Variants in NLRP7 observed in about 807,000 individuals in gnomAD.
NLRP7 encodes the protein NLR family pyrin domain containing 7.
NLRP7 carries 72 observed loss-of-function variants against 85.5 expected under a neutral mutation model. That is an observed-to-expected ratio of 0.84 (90% CI 0.70 to 1.02). The LOEUF (loss-of-function observed/expected upper bound fraction) is 1.02, where lower values mean the gene tolerates loss of function less well. Among genes scored for constraint, NLRP7 ranks in the 50% least tolerant of loss-of-function variants. The pLI, the probability that NLRP7 is intolerant of heterozygous loss-of-function variation, is 0.00. For synonymous variants in NLRP7, 550 were observed against 505.2 expected (o/e 1.09, Z -1.19); for missense variants, 1,243 against 1,219.5 (o/e 1.02, Z -0.29).
At chr19:54,959,141 C>CTTT (rs74177888) in intron 1 of NLRP7, among the ~76,000 whole-genome samples, 2 of 134,672 alleles carry the variant, frequency 1.5e-5, no homozygotes, top group South Asian at 2.4e-4. Context: ...TTTTCTTTTT[C>CTTT]TTTTTTTTTT....
At chr19:54,926,253 C>T (rs1459782960) in intron 9 of NLRP7, among the ~76,000 whole-genome samples, 1 of 151,512 alleles carries the variant, frequency 6.6e-6, no homozygotes, top group East Asian at 2.0e-4. Context: ...TACACACAAG[C>T]TTCCAGTCTG....
exon 4 of NLRP7, chr19:54,939,736 C>T (rs2069128165): frequency 6.2e-7 from 1 of 1,613,558 alleles, no homozygotes. Context: ...CCGCGGGGGC[C>T]GAGCCCAGCT....
chr19:54,938,609 C>T (rs2069050327), intron 4 of NLRP7, among the ~76,000 whole-genome samples: 1 of 152,104 alleles, frequency 6.6e-6, no homozygotes, highest in African/African-American at 2.4e-5. Context: ...GCCCATAGTC[C>T]CAGCTACTCG....
intron 6 of NLRP7, among the ~76,000 whole-genome samples, chr19:54,935,435 C>G (rs1336201006): frequency 6.6e-6 from 1 of 152,070 alleles, no homozygotes; most frequent in Non-Finnish European, 1.5e-5. Flanking sequence ...GTGGTTCATG[C>G]CTGTAATCCT....
chr19:54,935,228 GAA>G (rs1556727762), intron 6 of NLRP7, among the ~76,000 whole-genome samples: 33 of 19,616 alleles, frequency 1.7e-3, no homozygotes, highest in Non-Finnish European at 0.011. Context: ...TTGCAGGGGG[GAA>G]AAAAAAATTT....
chr19:54,933,209 G>A (rs184202257), intron 8 of NLRP7, among the ~76,000 whole-genome samples: 24 of 152,064 alleles, frequency 1.6e-4, no homozygotes, highest in African/African-American at 2.2e-4. Context: ...GCAGTGGTGC[G>A]ATCTCGGCTC....
intron 1 of NLRP7, among the ~76,000 whole-genome samples, chr19:54,945,561 G>A (rs1364380995): frequency 6.6e-6 from 1 of 151,346 alleles, no homozygotes; most frequent in Non-Finnish European, 1.5e-5. Context: ...TGAGCCACCA[G>A]GCCTGGCCAA....
At chr19:54,923,674 T>C in exon 10 of NLRP7, 1 of 1,570,810 alleles carries the variant, frequency 6.4e-7, no homozygotes, top group Non-Finnish European at 8.7e-7. Context: ...CTGACCTGCA[T>C]TCATAAGACA....
chr19:54,936,123 C>G lies in NLRP7; in HGVS notation c.2300+138G>C. On this transcript the variant is annotated intron_variant, in intron 6 of 9. Transcript: ENST00000340844. ...GTGGGGGAAAGAGGAGAGGCCGACT[C>G]CCCCACACAGGCCTGTTTGAGGAAT... 3.9e-6 allele frequency: 3 copies of G among 759,680 alleles called. No individual in the cohort carries two copies. The Admixed American group carries it at 6.0e-5, about 15-fold the overall frequency. The allele number at this position is 759,680 out of a possible 1,614,324, so 47.1% of individuals were successfully genotyped here.
At chr19:54,923,920 T>C in intron 9 of NLRP7, 48 bp from the exon 11 acceptor site, 1 of 1,595,942 alleles carries the variant, frequency 6.3e-7, no homozygotes, top group South Asian at 1.1e-5. Flanking sequence ...CATTCTCAAC[T>C]ACCCAGGATG....
chr19:54,951,002 C>G (rs2069650065), upstream of NLRP7, among the ~76,000 whole-genome samples: 1 of 152,186 alleles, frequency 6.6e-6, no homozygotes, highest in African/African-American at 2.4e-5. Flanking sequence ...GTGGTGATGA[C>G]TCTTAAGGAG....
At position 54,944,541 on chromosome 19, in the gene NLRP7, C is replaced by T. The variant is rs147673358; in HGVS notation, c.-39-2791G>A. ...TGAAGGAACTCAGAGACCCGGCCGG[C>T]GCGGGTCTCCTGAGCCCACTTTTCT... On this transcript the variant is annotated intron_variant, in intron 1 of 9. Coordinates refer to ENST00000340844, the Ensembl canonical transcript of NLRP7. Among the ~76,000 whole-genome samples, 1,077 of 151,792 alleles carry T rather than the reference C, an allele frequency of 7.1e-3. 9 individuals carry two copies. The highest frequency in any genetic ancestry group is 0.011 in the Non-Finnish European group (779 of 67,796).
intron 1 of NLRP7, among the ~76,000 whole-genome samples, chr19:54,943,517 C>T (rs1040624726): frequency 7.4e-6 from 1 of 136,006 alleles, no homozygotes; most frequent in Admixed American, 7.8e-5. Flanking sequence ...AGGAGAATGG[C>T]GGGAACCCGG....
At chr19:54,956,341 G>A (rs576572144) in intron 1 of NLRP7, among the ~76,000 whole-genome samples, 3 of 152,226 alleles carry the variant, frequency 2.0e-5, no homozygotes, top group African/African-American at 7.2e-5. Context: ...AGAACTGGTT[G>A]TTGGTGGGGA....
In NLRP7 at chr19:54,934,516, C is replaced by A; in HGVS notation, c.2444G>T (p.Arg815Leu). ...CAACATCTGCAGGAAGTGTTTTGGG[C>A]GTGTCATGGTCTTGTACAGCAACAT... Residue 815 changes from arginine (R) to leucine (L), a missense_variant, in exon 7 of 10, where the codon CGC becomes CTC. Transcript: ENST00000340844. This position sits in a 1 kb window ranked among gnomAD's most constrained non-coding sequence, Gnocchi z 6.7. 1.2e-6 allele frequency: 2 copies of A among 1,614,100 alleles called. No homozygotes were observed. Among genetic ancestry groups the A allele is most frequent in the African/African-American group, 1.3e-5 (1 of 75,034 alleles).
At chr19:54,949,800 C>T (rs1037898500), upstream of NLRP7, among the ~76,000 whole-genome samples, 1 of 152,046 alleles carries the variant, frequency 6.6e-6, no homozygotes, top group Non-Finnish European at 1.5e-5. Context: ...CTCCATAAAC[C>T]CCAAAAGAAA....
chr19:54,938,285 T>C, intron 4 of NLRP7, 44 bp from the exon 5 acceptor site: 1 of 1,514,426 alleles, frequency 6.6e-7, no homozygotes, highest in East Asian at 2.3e-5. Context: ...AGTACCTGCA[T>C]GGTGAGATGG....
intron 5 of NLRP7, 33 bp from the exon 6 acceptor site, chr19:54,936,464 T>C: frequency 8.4e-6 from 13 of 1,554,166 alleles, no homozygotes; most frequent in Non-Finnish European, 1.2e-5. Flanking sequence ...CCACTTGGAG[T>C]GATTAATACT....
exon 2 of NLRP7, chr19:54,941,661 C>A (rs764865444): frequency 2.3e-5 from 37 of 1,613,788 alleles, no homozygotes; most frequent in Non-Finnish European, 3.0e-5. Context: ...CATCCTCGTT[C>A]AGCTGCTCCA....
Sources: allele counts gnomAD v4.1 joint callset (sites outside exome capture counted in the v4.1 genomes callset), GRCh38; gene constraint gnomAD v4.1.1; non-coding constraint Gnocchi (gnomAD v3.1); transcripts MANE v1.5; gene names NCBI Gene and HGNC (gene_info 2026-07-23, HGNC 2026-07-21).